The following CXXC5 variants were observed in gnomAD, a reference collection of about 807,000 sequenced individuals.
The protein encoded by CXXC5 is CXXC-type zinc finger protein 5.
In CXXC5, 2 loss-of-function variants were observed where a neutral mutation model predicts 17.6. The observed-to-expected ratio is 0.11, with a 90% confidence interval of 0.05 to 0.36. CXXC5 has a LOEUF of 0.36. Among genes scored for constraint, CXXC5 ranks in the 10% least tolerant of loss-of-function variants. CXXC5 has a pLI of 1.00. For missense variants in CXXC5, 343 were observed against 458.3 expected (o/e 0.75, Z 2.30); for synonymous variants, 171 against 193.0 (o/e 0.89, Z 0.94).
chr5:139,681,142 G>C lies in CXXC5; in HGVS notation c.619G>C (p.Asp207His). 1 of 1,612,808 alleles carries C rather than the reference G, an allele frequency of 6.2e-7. No individual in the cohort carries two copies. Among genetic ancestry groups the C allele is most frequent in the South Asian group, 1.1e-5 (1 of 91,084 alleles). The change falls in exon 2 of 3, where the codon GAC becomes CAC. Residue 207 changes from aspartate (D) to histidine (H), a missense_variant. Asp to His is a moderately conservative substitution (Grantham distance 81, BLOSUM62 -1). Around this residue, in one of 4 missense-constraint regions of CXXC5, gnomAD observed 297 missense variants for 363.4 expected, o/e 0.82. Transcript: ENST00000302517. ...TGCCGAAGCCCTCAATGGCCAGTCCGACTTCCCCTACCTGGGCGCTTTCCC... is the reference window on the plus strand; with the variant it reads ...TGCCGAAGCCCTCAATGGCCAGTCCCACTTCCCCTACCTGGGCGCTTTCCC... ...AGAEALNGQS[D>H]FPYLGAFPIN...
upstream of CXXC5, among the ~76,000 whole-genome samples, chr5:139,647,693 G>T (rs974345105): frequency 6.6e-6 from 1 of 152,190 alleles, no homozygotes; most frequent in Non-Finnish European, 1.5e-5. Context: ...TTAGCCCCGG[G>T]ACTCAAGAGT....
At position 139,652,165 on chromosome 5, in the gene CXXC5, CGCGCGCGTGTGTGT is replaced by C. The variant is rs1755238526; in HGVS notation, c.-161+3322_-161+3335del. Among the ~76,000 whole-genome samples, 4 of 139,552 alleles carry C rather than the reference CGCGCGCGTGTGTGT, an allele frequency of 2.9e-5. No homozygotes were observed. The South Asian group carries it at 9.3e-4, about 33-fold the overall frequency. 91.6% of individuals were successfully genotyped at this position (139,552 alleles called of 152,430 possible). ...AGCCGCCGGCGCGCGCGCGCGCGCGCGCGCGCGTGTGTGTGTGTGTGTGTGTGTGTGGCTGTGTA... is the reference window on the plus strand; with the variant it reads ...AGCCGCCGGCGCGCGCGCGCGCGCGCGTGTGTGTGTGTGTGTGGCTGTGTA... On this transcript the variant is annotated intron_variant, in intron 1 of 2. Transcript: ENST00000302517.
intron 1 of CXXC5, among the ~76,000 whole-genome samples, chr5:139,656,001 C>A (rs1755476427): frequency 6.6e-6 from 1 of 152,242 alleles, no homozygotes; most frequent in East Asian, 1.9e-4. Context: ...AGCCCTGTAC[C>A]CGCCCTCCTC....
chr5:139,667,348 A>G (rs1351481023), intron 1 of CXXC5, among the ~76,000 whole-genome samples: 1 of 151,308 alleles, frequency 6.6e-6, no homozygotes, highest in East Asian at 1.9e-4. Flanking sequence ...ACTTTTTTAA[A>G]CCTTTCTCTG....
At chr5:139,652,169 CGCGTGT>C (rs1157105618) in intron 1 of CXXC5, among the ~76,000 whole-genome samples, 45 of 140,064 alleles carry the variant, frequency 3.2e-4, no homozygotes, top group East Asian at 1.5e-3. Context: ...CGCGCGCGCG[CGCGTGT>C]GTGTGTGTGT....
At chr5:139,656,717 GT>G (rs1291710605) in intron 1 of CXXC5, among the ~76,000 whole-genome samples, 1 of 151,996 alleles carries the variant, frequency 6.6e-6, no homozygotes, top group African/African-American at 2.4e-5. Flanking sequence ...CTGCTATTTT[GT>G]TTTTGTTTTT....
At chr5:139,651,524 C>G (rs545207505) in intron 1 of CXXC5, among the ~76,000 whole-genome samples, 1 of 152,314 alleles carries the variant, frequency 6.6e-6, no homozygotes, top group Non-Finnish European at 1.5e-5. Flanking sequence ...CTGCCTGCCT[C>G]CTACTCATTT....
intron 1 of CXXC5, chr5:139,649,194 A>G (rs1378247373): frequency 6.6e-6 from 1 of 152,148 alleles, no homozygotes; most frequent in Admixed American, 6.5e-5. Flanking sequence ...GAGTTCAGAC[A>G]AAAAGAGGGG....
chr5:139,655,811 T>A (rs1043673659), intron 1 of CXXC5, among the ~76,000 whole-genome samples: 1 of 151,870 alleles, frequency 6.6e-6, no homozygotes, highest in Admixed American at 6.5e-5. Context: ...TTTTTCTGTT[T>A]GTTTGGGAAG....
chr5:139,681,766 A>G (rs2126831513), intron 2 of CXXC5, among the ~76,000 whole-genome samples: 1 of 152,360 alleles, frequency 6.6e-6, no homozygotes, highest in South Asian at 2.1e-4. Flanking sequence ...ATTTCCATAC[A>G]GGTCCTAAGT....
chr5:139,662,002 G>T (rs898106833), intron 1 of CXXC5, among the ~76,000 whole-genome samples: 3 of 152,240 alleles, frequency 2.0e-5, no homozygotes, highest in African/African-American at 7.2e-5. Context: ...GCTGGAGAAG[G>T]AGTGCCAGGG....
intron 2 of CXXC5, among the ~76,000 whole-genome samples, chr5:139,682,182 C>T (rs1029225559): frequency 1.3e-5 from 2 of 152,216 alleles, no homozygotes; most frequent in Non-Finnish European, 2.9e-5. Context: ...AGTGCCAGGC[C>T]TGGGTACAAA....
At chr5:139,681,686 A>G (rs1757247934) in intron 2 of CXXC5, among the ~76,000 whole-genome samples, 2 of 152,210 alleles carry the variant, frequency 1.3e-5, no homozygotes, top group Non-Finnish European at 2.9e-5. Context: ...AACTCCAGGC[A>G]AGGACCTAGC....
intron 1 of CXXC5, chr5:139,649,550 CCG>C (rs1755051431): frequency 6.6e-6 from 1 of 152,136 alleles, no homozygotes; most frequent in Non-Finnish European, 1.5e-5. Flanking sequence ...CCCCCGCTGC[CCG>C]CGGGGTGCCC....
intron 1 of CXXC5, among the ~76,000 whole-genome samples, chr5:139,650,303 G>A (rs1755096346): frequency 1.3e-5 from 2 of 152,138 alleles, no homozygotes. Context: ...GGATGGGGGG[G>A]GAGCTAAGGG....
chr5:139,667,491 T>G (rs1369714916), intron 1 of CXXC5, among the ~76,000 whole-genome samples: 1 of 152,180 alleles, frequency 6.6e-6, no homozygotes, highest in Non-Finnish European at 1.5e-5. Flanking sequence ...GATGGGTCAG[T>G]TAAGGCCCTG....
At chr5:139,682,744 GC>G (rs1341587351) in intron 2 of CXXC5, 118 bp from the exon 3 acceptor site, 3 of 1,052,698 alleles carry the variant, frequency 2.8e-6, no homozygotes, top group Admixed American at 3.0e-5. Flanking sequence ...AGGGGTGGCT[GC>G]TCTTCCTCCA....
chr5:139,672,003 T>C (rs1375678089), intron 1 of CXXC5, among the ~76,000 whole-genome samples: 1 of 152,216 alleles, frequency 6.6e-6, no homozygotes, highest in Admixed American at 6.5e-5. Flanking sequence ...ATAATAATAA[T>C]TGTAGTAGAA....
At chr5:139,647,537 T>A (rs1754938811), upstream of CXXC5, 1 of 152,300 alleles carries the variant, frequency 6.6e-6, no homozygotes, top group Admixed American at 6.5e-5. Flanking sequence ...GGCCCAACTC[T>A]GTCCCCACTG....
Sources: gnomAD v4.1 joint callset for allele counts (sites outside exome capture counted in the v4.1 genomes callset) on GRCh38, gnomAD v4.1.1 for gene constraint, gnomAD v4.1.1 regional missense constraint, MANE v1.5 for transcripts, NCBI Gene and HGNC (gene_info 2026-07-23, HGNC 2026-07-21) for gene names.